MAPK4: variants seen among roughly 807,000 people sequenced by gnomAD.
MAPK4 encodes mitogen-activated protein kinase 4.
MAPK4 carries 22 observed loss-of-function variants against 47.7 expected under a neutral mutation model. The ratio of observed to expected loss-of-function variants is 0.46; its 90% CI spans 0.33 to 0.66. The LOEUF (loss-of-function observed/expected upper bound fraction) is 0.66. Among genes scored for constraint, MAPK4 ranks in the 30% least tolerant of loss-of-function variants. The pLI, the probability that MAPK4 is intolerant of heterozygous loss-of-function variation, is 0.02. For synonymous variants in MAPK4, 390 were observed against 365.7 expected (o/e 1.07, Z -0.76); for missense variants, 736 against 831.7 (o/e 0.88, Z 1.42).
chr18:50,691,239 C>G (rs1363035550), intron 2 of MAPK4, among the ~76,000 whole-genome samples: 1 of 152,066 alleles, frequency 6.6e-6, no homozygotes, highest in African/African-American at 2.4e-5. Context: ...AGCAATCCGC[C>G]CGCCTTGGCC....
At chr18:50,689,128 G>C (rs951680478) in intron 2 of MAPK4, among the ~76,000 whole-genome samples, 2 of 147,562 alleles carry the variant, frequency 1.4e-5, no homozygotes, top group Non-Finnish European at 2.9e-5. Context: ...AGGTGTGGTG[G>C]TGCAAGCATG....
chr18:50,680,152 C>T (rs889019352), intron 2 of MAPK4, among the ~76,000 whole-genome samples: 8 of 120,376 alleles, frequency 6.6e-5, no homozygotes, highest in Non-Finnish European at 1.3e-4. Context: ...AGTATGGTGG[C>T]GCAATCTCGG....
intron 1 of MAPK4, among the ~76,000 whole-genome samples, chr18:50,579,000 A>G (rs2042321072): frequency 6.6e-6 from 1 of 152,224 alleles, no homozygotes. Context: ...GGAGAACCAT[A>G]CATGGCTTAT....
At chr18:50,630,789 C>G (rs1289348923) in intron 1 of MAPK4, among the ~76,000 whole-genome samples, 1 of 152,214 alleles carries the variant, frequency 6.6e-6, no homozygotes, top group African/African-American at 2.4e-5. Context: ...GCTGCCATCC[C>G]TCCAGTACAC....
chr18:50,729,859 G>A lies in MAPK4; in HGVS notation c.*5G>A, dbSNP rs776488925. 14 of 1,603,434 alleles carry A rather than the reference G, an allele frequency of 8.7e-6. No individual in the cohort carries two copies. Among genetic ancestry groups the A allele is most frequent in the Middle Eastern group, 1.7e-4 (1 of 6,028 alleles). On this transcript the variant is annotated 3_prime_UTR_variant, in exon 6 of 6. Coordinates refer to ENST00000400384, the MANE Select transcript of MAPK4 (RefSeq NM_002747.4). ...TTCTCCAAAGAAAGGTGGTGAGGGC[G>A]GAGGGGCCGCTCCAGGCCCCACAGA...
intron 1 of MAPK4, among the ~76,000 whole-genome samples, chr18:50,645,899 A>G (rs1377590956): frequency 1.3e-5 from 2 of 152,196 alleles, no homozygotes; most frequent in African/African-American, 4.8e-5. Context: ...TAATAATGGC[A>G]TGTTCCTAGG....
In MAPK4 at chr18:50,650,659, C is replaced by T. The variant is rs919338843; in HGVS notation, c.-870-12430C>T. On this transcript the variant is annotated intron_variant, in intron 1 of 5. Transcript: ENST00000400384. ...TGTACTAGGCACCAGCCCTGCACTTCCTCACCAGGACAGGGCTAATTCTCA... is the reference window on the plus strand; with the variant it reads ...TGTACTAGGCACCAGCCCTGCACTTTCTCACCAGGACAGGGCTAATTCTCA... Among the ~76,000 whole-genome samples, 11 of 152,318 alleles carry T rather than the reference C, an allele frequency of 7.2e-5. No individual in the cohort carries two copies. In the South Asian group the frequency reaches 1.5e-3, roughly 20 times the overall value.
intron 1 of MAPK4, among the ~76,000 whole-genome samples, chr18:50,660,034 C>T (rs1447867069): frequency 2.0e-5 from 3 of 152,212 alleles, no homozygotes; most frequent in Non-Finnish European, 4.4e-5. Context: ...CTCAGCATAT[C>T]ATGCAAGAAA....
intron 2 of MAPK4, among the ~76,000 whole-genome samples, chr18:50,680,835 A>G (rs573884096): frequency 4.6e-4 from 70 of 152,304 alleles, no homozygotes; most frequent in Middle Eastern, 3.4e-3. Context: ...TCATTAGCTG[A>G]TGGACATTTG....
At chr18:50,624,713 A>G (rs1175054284) in intron 1 of MAPK4, among the ~76,000 whole-genome samples, 4 of 152,064 alleles carry the variant, frequency 2.6e-5, no homozygotes, top group Admixed American at 2.0e-4. Flanking sequence ...TAATAATACC[A>G]TTGGTGAATC....
chr18:50,602,530 G>C (rs773697127), intron 1 of MAPK4, among the ~76,000 whole-genome samples: 1 of 152,224 alleles, frequency 6.6e-6, no homozygotes, highest in Non-Finnish European at 1.5e-5. Context: ...AAGTGCAGCA[G>C]GGATGTGGGC....
At chr18:50,714,196 G>A (rs988196505) in intron 2 of MAPK4, among the ~76,000 whole-genome samples, 13 of 152,078 alleles carry the variant, frequency 8.5e-5, no homozygotes, top group Non-Finnish European at 1.5e-5. Flanking sequence ...GACCCCCAAT[G>A]GATCTATACA....
chr18:50,713,290 CTT>C (rs1365034528), intron 2 of MAPK4, among the ~76,000 whole-genome samples: 2 of 152,176 alleles, frequency 1.3e-5, no homozygotes, highest in East Asian at 1.9e-4. Context: ...CAATTAAACT[CTT>C]ATAAAAATGA....
intron 4 of MAPK4, among the ~76,000 whole-genome samples, chr18:50,723,622 G>A (rs566437939): frequency 6.6e-6 from 1 of 152,318 alleles, no homozygotes; most frequent in Admixed American, 6.5e-5. Context: ...CAGCACTTTG[G>A]GAGGCCGAGG....
intron 2 of MAPK4, among the ~76,000 whole-genome samples, chr18:50,677,554 G>GT (rs140981187): frequency 0.043 from 6,509 of 150,072 alleles, 276 homozygotes; most frequent in African/African-American, 0.11. Flanking sequence ...TGTGTGTAAG[G>GT]TTTTTTTTTG....
chr18:50,663,755 C>A lies in MAPK4; in HGVS notation c.-204C>A. 1 of 506,350 alleles carries A rather than the reference C, an allele frequency of 2.0e-6. No homozygotes were observed. Among genetic ancestry groups the A allele is most frequent in the Non-Finnish European group, 3.5e-6 (1 of 287,300 alleles). The allele number at this position is 506,350 out of a possible 1,614,324, so 31.4% of individuals were successfully genotyped here. A position where few individuals can be genotyped will look rare whatever the true frequency, so the allele number is the denominator to read the frequency against. On this transcript the variant is annotated 5_prime_UTR_variant, in exon 2 of 6. Transcript: ENST00000400384. ...GCAGGTTAAGACGACAGCCTGCGCC[C>A]CCAACTAGCACAGCTCAGCGAGCAT...
intron 2 of MAPK4, among the ~76,000 whole-genome samples, chr18:50,691,439 C>T (rs1336426657): frequency 6.6e-6 from 1 of 152,114 alleles, no homozygotes; most frequent in African/African-American, 2.4e-5. Context: ...ACTGGAGGCA[C>T]AAAGGAAGGA....
intron 2 of MAPK4, among the ~76,000 whole-genome samples, chr18:50,667,951 T>G (rs1419576487): frequency 6.6e-6 from 1 of 152,156 alleles, no homozygotes; most frequent in African/African-American, 2.4e-5. Context: ...CGAGTCATAT[T>G]AATAAGTCCG....
chr18:50,712,227 G>C (rs553661404), intron 2 of MAPK4, among the ~76,000 whole-genome samples: 2 of 152,282 alleles, frequency 1.3e-5, no homozygotes, highest in Admixed American at 1.3e-4. Flanking sequence ...AGGAGTTTGA[G>C]ACTAGCTTGG....
Sources: allele counts gnomAD v4.1 joint callset (sites outside exome capture counted in the v4.1 genomes callset), GRCh38; gene constraint gnomAD v4.1.1; transcripts MANE v1.5; gene names NCBI Gene and HGNC (gene_info 2026-07-23, HGNC 2026-07-21).